Variants in PRDM11 observed in about 807,000 individuals in gnomAD.
PRDM11 encodes the protein PR domain-containing protein 11.
In PRDM11, 20 loss-of-function variants were observed where a neutral mutation model predicts 97.8. The ratio of observed to expected loss-of-function variants is 0.20; its 90% confidence interval spans 0.14 to 0.30. PRDM11 has a LOEUF of 0.30. Among genes scored for constraint, PRDM11 ranks in the 10% least tolerant of loss-of-function variants. The pLI is 1.00. For synonymous variants in PRDM11, 599 were observed against 637.7 expected (o/e 0.94, Z 0.91); for missense variants, 1,139 against 1,555.2 (o/e 0.73, Z 4.50).
chr11:45,192,806 T>G (rs575563425), intron 4 of PRDM11, among the ~76,000 whole-genome samples: 2 of 152,336 alleles, frequency 1.3e-5, no homozygotes, highest in South Asian at 4.1e-4. Flanking sequence ...TTATAACTTT[T>G]AAACAACTGT....
rs1484348250 is a variant in PRDM11 at position 45,234,038 on chromosome 11, C to T, written c.*5879C>T. ...CTGAGCTGGGATACCCCAAGCTCAT[C>T]CACTTTCGTTGGGGAGGGCCCCTCC... is the stretch of plus-strand genomic sequence containing the variant. On this transcript the variant is annotated 3_prime_UTR_variant, in exon 8 of 8. Transcript: ENST00000683152. The T allele has an allele frequency of 6.6e-6, 1 of 152,432 alleles. No homozygotes were observed. Among genetic ancestry groups the T allele is most frequent in the East Asian group, 1.9e-4 (1 of 5,166 alleles). 9.4% of individuals were successfully genotyped at this position (152,432 alleles called of 1,614,324 possible). A position where few individuals can be genotyped will look rare whatever the true frequency, so the allele number is the denominator to read the frequency against.
upstream of PRDM11, among the ~76,000 whole-genome samples, chr11:45,146,403 C>T (rs1851509082): frequency 6.6e-6 from 1 of 152,178 alleles, no homozygotes; most frequent in Non-Finnish European, 1.5e-5. Context: ...CTCTCTTAAC[C>T]TTTTCTTTTT....
intron 1 of PRDM11, among the ~76,000 whole-genome samples, chr11:45,170,810 A>G (rs762983747): frequency 2.0e-5 from 3 of 152,122 alleles, no homozygotes; most frequent in Non-Finnish European, 2.9e-5. Context: ...CTCTGAAGCC[A>G]TTCCGGGAAG....
At chr11:45,216,303 T>TA (rs1470661720) in intron 5 of PRDM11, 2 of 145,144 alleles carry the variant, frequency 1.4e-5, no homozygotes, top group Non-Finnish European at 3.1e-5. Context: ...AGTGACCTGG[T>TA]AACTCTTCAA....
At position 45,233,855 on chromosome 11, in the gene PRDM11, G is replaced by A. The variant is rs1404233718; in HGVS notation, c.*5696G>A. 6.6e-6 allele frequency: 1 copy of A among 152,330 alleles called. No individual in the cohort carries two copies. 9.4% of individuals were successfully genotyped at this position (152,330 alleles called of 1,614,324 possible). On this transcript the variant is annotated 3_prime_UTR_variant, in exon 8 of 8. Coordinates refer to ENST00000683152, the MANE Select transcript of PRDM11 (RefSeq NM_001384648.1). ...TACTCCAGTCCAGAAGCAGGGCTTT[G>A]GCCCAGCCCGCTCCGCGCAGCAGCT...
intron 5 of PRDM11, among the ~76,000 whole-genome samples, chr11:45,205,561 G>A (rs1252116352): frequency 6.6e-6 from 1 of 152,264 alleles, no homozygotes; most frequent in African/African-American, 2.4e-5. Context: ...GGGGAAGGAA[G>A]CCTCAGATGT....
intron 1 of PRDM11, among the ~76,000 whole-genome samples, chr11:45,104,357 G>A (rs1565222131): frequency 6.6e-6 from 1 of 152,212 alleles, no homozygotes; most frequent in Non-Finnish European, 1.5e-5. Context: ...CTGAATTCAG[G>A]ATCCTCTGGA....
At chr11:45,113,688 ATTAT>A (rs1204762697) in intron 1 of PRDM11, among the ~76,000 whole-genome samples, 1 of 151,712 alleles carries the variant, frequency 6.6e-6, no homozygotes, top group Non-Finnish European at 1.5e-5. Context: ...ATATTCCTAA[ATTAT>A]TTATTTATTT....
In PRDM11 at chr11:45,181,819, A is replaced by G; in HGVS notation, c.53A>G (p.Asp18Gly). 2.5e-6 allele frequency: 4 copies of G among 1,612,988 alleles called. No homozygotes were observed. The highest frequency in any genetic ancestry group is 2.5e-6 in the Non-Finnish European group (3 of 1,179,780). Residue 18 changes from aspartate to glycine, a missense_variant, in exon 2 of 8, where the codon GAT becomes GGT. Transcript: ENST00000683152. ...GCCCAGACCAATGCAGCCGTGGGGG[A>G]TATGGTGACGGTGGTGAAGACGGAG... is the stretch of plus-strand genomic sequence containing the variant. ...CLAQTNAAVGDMVTVVKTEVC... is the reference protein window; with the variant it reads ...CLAQTNAAVGGMVTVVKTEVC...
chr11:45,224,794 C>G lies in PRDM11; in HGVS notation c.1320C>G (p.Pro440=). ...AGTCTGGGAAACTTCCTGAGCCCCC[C>G]GTATTGCCACCACAGGTACTGGAGC... ...MLKSGKLPEP[P]VLPPQVLELP... is the part of the protein sequence containing the mutation. The change falls in exon 7 of 8, where the codon CCC becomes CCG. Residue 440 remains proline, a synonymous_variant. Coordinates refer to ENST00000683152, the MANE Select transcript of PRDM11 (RefSeq NM_001384648.1). 1 of 1,614,188 alleles carries G rather than the reference C, an allele frequency of 6.2e-7. No individual in the cohort carries two copies. The highest frequency in any genetic ancestry group is 1.1e-5 in the South Asian group (1 of 91,086).
upstream of PRDM11, among the ~76,000 whole-genome samples, chr11:45,094,551 G>A (rs1011455327): frequency 4.1e-5 from 6 of 145,376 alleles, no homozygotes; most frequent in South Asian, 2.3e-4. Flanking sequence ...GGGATATGAC[G>A]GGAGGAAAGA....
At chr11:45,099,693 A>G (rs1345595924) in intron 1 of PRDM11, among the ~76,000 whole-genome samples, 1 of 152,116 alleles carries the variant, frequency 6.6e-6, no homozygotes, top group Non-Finnish European at 1.5e-5. Flanking sequence ...CCCCTCAAGC[A>G]TTTATTCTTT....
At chr11:45,133,974 C>A (rs1435968578) in intron 1 of PRDM11, among the ~76,000 whole-genome samples, 1 of 152,228 alleles carries the variant, frequency 6.6e-6, no homozygotes, top group Non-Finnish European at 1.5e-5. Flanking sequence ...GAAGGGCAAT[C>A]TCTCTGCCAG....
chr11:45,219,446 T>C lies in PRDM11; in HGVS notation c.555-124T>C, dbSNP rs956810179. The C allele has an allele frequency of 8.5e-6, 8 of 941,406 alleles. No homozygotes were observed. The highest frequency in any genetic ancestry group is 4.8e-4 in the Middle Eastern group (2 of 4,132). The allele number at this position is 941,406 out of a possible 1,614,324, so 58.3% of individuals were successfully genotyped here. A position where few individuals can be genotyped will look rare whatever the true frequency, so the allele number is the denominator to read the frequency against. On this transcript the variant is annotated intron_variant, in intron 5 of 7. Coordinates refer to ENST00000683152, the MANE Select transcript of PRDM11 (RefSeq NM_001384648.1). This position sits in a 1 kb window ranked among gnomAD's most constrained non-coding sequence, Gnocchi z 4.2. ...GGACAGGGCAGCTGCTCTGCTGATG[T>C]TCACATGGGCCCACGTGCCTGTGGA...
intron 1 of PRDM11, among the ~76,000 whole-genome samples, chr11:45,154,879 C>T (rs1356934193): frequency 6.6e-6 from 1 of 152,228 alleles, no homozygotes; most frequent in Non-Finnish European, 1.5e-5. Context: ...CCAAATCTAG[C>T]ACCCCTTCCT....
At chr11:45,191,241 C>T (rs565830733) in intron 4 of PRDM11, among the ~76,000 whole-genome samples, 1 of 152,300 alleles carries the variant, frequency 6.6e-6, no homozygotes, top group South Asian at 2.1e-4. Context: ...CCGATTACAG[C>T]TTTTTGGCAC....
chr11:45,150,901 T>G (rs561126338), intron 1 of PRDM11, among the ~76,000 whole-genome samples: 1 of 152,176 alleles, frequency 6.6e-6, no homozygotes, highest in Non-Finnish European at 1.5e-5. Flanking sequence ...AAGGTAGATA[T>G]TATTTCTGTT....
chr11:45,160,952 C>A (rs1007537515), intron 1 of PRDM11, among the ~76,000 whole-genome samples: 1 of 152,160 alleles, frequency 6.6e-6, no homozygotes, highest in Non-Finnish European at 1.5e-5. Flanking sequence ...GGGTTTTCTG[C>A]CCTCATTCAA....
At chr11:45,221,521 C>G (rs181104152) in intron 6 of PRDM11, among the ~76,000 whole-genome samples, 1 of 152,232 alleles carries the variant, frequency 6.6e-6, no homozygotes, top group Non-Finnish European at 1.5e-5. Context: ...TTGCATTCTT[C>G]TGGATTTGTG....
Sources: allele counts gnomAD v4.1 joint callset (sites outside exome capture counted in the v4.1 genomes callset), GRCh38; gene constraint gnomAD v4.1.1; non-coding constraint Gnocchi (gnomAD v3.1); transcripts MANE v1.5; gene names NCBI Gene and HGNC (gene_info 2026-07-23, HGNC 2026-07-21).